Variants in SEMA6D observed in about 807,000 individuals in gnomAD.
SEMA6D encodes the protein semaphorin-6D.
In SEMA6D, 35 loss-of-function variants were observed where a neutral mutation model predicts 106.6. The ratio of observed to expected loss-of-function variants is 0.33; its 90% CI spans 0.25 to 0.44. The LOEUF (loss-of-function observed/expected upper bound fraction) is 0.44. Ranked by LOEUF, SEMA6D falls within the 20% of genes least tolerant of loss-of-function variation. The pLI is 1.00. For missense variants in SEMA6D, 1,185 were observed against 1,345.9 expected (o/e 0.88, Z 1.87); for synonymous variants, 499 against 487.7 (o/e 1.02, Z -0.31).
intron 3 of SEMA6D, among the ~76,000 whole-genome samples, chr15:47,480,785 T>C (rs1372235516): frequency 6.6e-6 from 1 of 152,184 alleles, no homozygotes; most frequent in African/African-American, 2.4e-5. Flanking sequence ...TTAATTCTCT[T>C]TGTATCCTTG....
rs536443996 is a variant in SEMA6D at position 47,253,798 on chromosome 15, CT to C, written c.-239+69386del. Reference sequence around the variant, plus strand: ...AAGTCAAGTAATGTGATTCCTACAGCTTTTTTCTTTTGTTCAAGATTGCTTT... The same window carrying C: ...AAGTCAAGTAATGTGATTCCTACAGCTTTTTCTTTTGTTCAAGATTGCTTT... On this transcript the variant is annotated intron_variant, in intron 1 of 19. Coordinates refer to the SEMA6D transcript ENST00000558014. Among the ~76,000 whole-genome samples, 22 of 152,180 alleles carry C rather than the reference CT, an allele frequency of 1.4e-4. No individual in the cohort carries two copies. In the South Asian group the frequency reaches 3.7e-3, roughly 26 times the overall value.
intron 2 of SEMA6D, among the ~76,000 whole-genome samples, chr15:47,464,392 G>C (rs993706604): frequency 6.6e-6 from 1 of 152,066 alleles, no homozygotes; most frequent in African/African-American, 2.4e-5. Flanking sequence ...ATATGTGCTC[G>C]TTAAGAAAAG....
intron 1 of SEMA6D, among the ~76,000 whole-genome samples, chr15:47,342,961 C>T (rs2037882119): frequency 6.6e-6 from 1 of 152,172 alleles, no homozygotes; most frequent in South Asian, 2.1e-4. Context: ...GATTTGCCCG[C>T]CTCAACTTCC....
At chr15:47,709,727 CT>C (rs1284759131) in intron 4 of SEMA6D, among the ~76,000 whole-genome samples, 8 of 152,124 alleles carry the variant, frequency 5.3e-5, no homozygotes, top group Non-Finnish European at 1.0e-4. Flanking sequence ...AATGTCAGCC[CT>C]TGTATATTTC....
chr15:47,483,986 C>T (rs2141334540), intron 3 of SEMA6D, among the ~76,000 whole-genome samples: 1 of 152,168 alleles, frequency 6.6e-6, no homozygotes, highest in African/African-American at 2.4e-5. Flanking sequence ...TTCCTGTGTG[C>T]AAAAATCTTA....
chr15:47,334,107 C>A lies in SEMA6D; in HGVS notation c.-238-78286C>A, dbSNP rs368593768. The stretch of plus-strand genomic sequence containing the variant: ...TGTCAATTTGCCTGTGTAATAAATT[C>A]TCCATAAAATGACGAGAGTACTGGA... On this transcript the variant is annotated intron_variant, in intron 1 of 19. Coordinates refer to the SEMA6D transcript ENST00000558014. 2.0e-5 allele frequency among the ~76,000 whole-genome samples: 3 copies of A among 152,140 alleles called. 1 individual carries two copies. The South Asian group carries it at 6.2e-4, about 32-fold the overall frequency.
chr15:47,623,220 A>C (rs2077140941), intron 4 of SEMA6D, among the ~76,000 whole-genome samples: 1 of 152,186 alleles, frequency 6.6e-6, no homozygotes, highest in African/African-American at 2.4e-5. Context: ...TCCAAGGCCC[A>C]ACTATTGCCC....
intron 1 of SEMA6D, among the ~76,000 whole-genome samples, chr15:47,296,607 G>A (rs1397940723): frequency 6.6e-6 from 1 of 152,194 alleles, no homozygotes; most frequent in Admixed American, 6.5e-5. Context: ...CAACATAAAA[G>A]TGAAGAACCA....
chr15:47,737,852 C>G (rs1350880400), intron 1 of SEMA6D, among the ~76,000 whole-genome samples: 1 of 152,108 alleles, frequency 6.6e-6, no homozygotes, highest in East Asian at 1.9e-4. Context: ...GTGTGTTACA[C>G]ATTGCCAAAT....
At chr15:47,192,087 A>G (rs1894002813) in intron 1 of SEMA6D, among the ~76,000 whole-genome samples, 1 of 152,246 alleles carries the variant, frequency 6.6e-6, no homozygotes, top group South Asian at 2.1e-4. Context: ...AATCTTAAGT[A>G]TGTTCTTAAG....
At chr15:47,521,436 G>A (rs951753774) in intron 3 of SEMA6D, among the ~76,000 whole-genome samples, 13 of 152,188 alleles carry the variant, frequency 8.5e-5, no homozygotes, top group Non-Finnish European at 1.0e-4. Context: ...AACTCCTCTC[G>A]GATCTGACTA....
intron 4 of SEMA6D, among the ~76,000 whole-genome samples, chr15:47,664,364 C>T (rs917334825): frequency 3.9e-5 from 6 of 151,928 alleles, no homozygotes; most frequent in African/African-American, 1.5e-4. Flanking sequence ...TGAGCTCTTA[C>T]CACATGTGCC....
intron 4 of SEMA6D, among the ~76,000 whole-genome samples, chr15:47,659,685 C>G (rs1029072552): frequency 1.3e-5 from 2 of 151,976 alleles, no homozygotes; most frequent in Non-Finnish European, 2.9e-5. Context: ...TGACAAAGGT[C>G]TGATTTTCCT....
At chr15:47,653,119 C>T (rs572120350) in intron 4 of SEMA6D, among the ~76,000 whole-genome samples, 1 of 152,176 alleles carries the variant, frequency 6.6e-6, no homozygotes. Flanking sequence ...AGCAGGTAAA[C>T]ATGCCCATAC....
chr15:47,442,543 T>C (rs1222682212), intron 2 of SEMA6D, among the ~76,000 whole-genome samples: 2 of 152,120 alleles, frequency 1.3e-5, no homozygotes, highest in African/African-American at 2.4e-5. Flanking sequence ...TCATAATGAC[T>C]GAGGGTAATG....
chr15:47,661,726 C>T (rs1379786500), intron 4 of SEMA6D, among the ~76,000 whole-genome samples: 1 of 152,166 alleles, frequency 6.6e-6, no homozygotes, highest in Non-Finnish European at 1.5e-5. Flanking sequence ...AGCAAAACCG[C>T]GTTGCCTAGT....
At chr15:47,591,460 A>G (rs1454444235) in intron 3 of SEMA6D, among the ~76,000 whole-genome samples, 1 of 152,124 alleles carries the variant, frequency 6.6e-6, no homozygotes, top group East Asian at 1.9e-4. Flanking sequence ...CTGGCTGTAC[A>G]TTGTTCTCTT....
rs530071145 is a variant in SEMA6D at position 47,273,117 on chromosome 15, C to T, written c.-239+88699C>T. Among the ~76,000 whole-genome samples the T allele has an allele frequency of 2.6e-5, 4 of 152,256 alleles. No individual in the cohort carries two copies. The East Asian group carries it at 7.7e-4, about 29-fold the overall frequency. ...TATTGTTTGTTTCACTACTTTGTGG[C>T]TACACCATTTGTTGTGGATCTTTTA... On this transcript the variant is annotated intron_variant, in intron 1 of 19. Coordinates refer to the SEMA6D transcript ENST00000558014.
chr15:47,566,888 T>G (rs1898117), intron 3 of SEMA6D, among the ~76,000 whole-genome samples: 65,578 of 152,126 alleles, frequency 0.43, 15,469 homozygotes, highest in Non-Finnish European at 0.53. Context: ...GAAGATGTTT[T>G]TGCTTTGTTT....
Sources: allele counts gnomAD v4.1 joint callset (sites outside exome capture counted in the v4.1 genomes callset), GRCh38; gene constraint gnomAD v4.1.1; transcripts MANE v1.5; gene names NCBI Gene and HGNC (gene_info 2026-07-23, HGNC 2026-07-21).